The following TMPRSS15 variants were observed in gnomAD, a reference collection of about 807,000 sequenced individuals.
The protein encoded by TMPRSS15 is enteropeptidase.
TMPRSS15 carries 128 observed loss-of-function variants against 125.3 expected under a neutral mutation model. That is an observed-to-expected ratio of 1.02 (90% CI 0.89 to 1.18). The LOEUF is 1.18. TMPRSS15 is among the 50% of genes most tolerant of loss of function. The pLI is 0.00. For missense variants in TMPRSS15, 1,283 were observed against 1,212.7 expected, an observed-to-expected ratio of 1.06 and a Z score of -0.86; for synonymous variants, 446 against 423.2, an observed-to-expected ratio of 1.05 and a Z score of -0.66.
At chr21:18,282,587 C>T (rs568193772) in intron 21 of TMPRSS15, among the ~76,000 whole-genome samples, 7 of 152,262 alleles carry the variant, frequency 4.6e-5, no homozygotes, top group African/African-American at 1.4e-4. Flanking sequence ...AGCCAGTGAG[C>T]GTCCAAGCAT....
At chr21:18,373,042 T>A (rs767114122) in intron 5 of TMPRSS15, among the ~76,000 whole-genome samples, 1 of 152,252 alleles carries the variant, frequency 6.6e-6, no homozygotes, top group Non-Finnish European at 1.5e-5. Context: ...CTTCTGCCTC[T>A]GAATATAACA....
At position 18,370,107 on chromosome 21, in the gene TMPRSS15, C is replaced by T. The variant is rs376798559; in HGVS notation, c.664+2086G>A. Among the ~76,000 whole-genome samples the T allele has an allele frequency of 4.6e-5, 7 of 151,882 alleles. No homozygotes were observed. The South Asian group carries it at 8.3e-4, about 18-fold the overall frequency. On this transcript the variant is annotated intron_variant, in intron 6 of 24. Coordinates refer to ENST00000284885, the MANE Select transcript of TMPRSS15 (RefSeq NM_002772.3). ...TCTTCATGTTACTAAAAAGTAACAA[C>T]GCAGTTTGACTATATTTTTAAAGCA...
chr21:18,426,980 C>T (rs567143864), intron 1 of TMPRSS15, among the ~76,000 whole-genome samples: 2 of 152,184 alleles, frequency 1.3e-5, no homozygotes, highest in Non-Finnish European at 2.9e-5. Context: ...CTCCCCTCCG[C>T]CATGCCTGGT....
chr21:18,389,271 A>G (rs1470275003), intron 3 of TMPRSS15, among the ~76,000 whole-genome samples: 1 of 151,450 alleles, frequency 6.6e-6, no homozygotes, highest in Admixed American at 6.6e-5. Context: ...GGAAGGAAGG[A>G]AGGAAGGGAG....
intron 22 of TMPRSS15, among the ~76,000 whole-genome samples, chr21:18,279,920 C>T (rs1015187331): frequency 6.6e-6 from 1 of 152,136 alleles, no homozygotes; most frequent in Non-Finnish European, 1.5e-5. Context: ...CTTCTTGCAT[C>T]AATTTACAAG....
chr21:18,332,895 A>G (rs1361405219), intron 13 of TMPRSS15, among the ~76,000 whole-genome samples: 1 of 152,254 alleles, frequency 6.6e-6, no homozygotes, highest in East Asian at 1.9e-4. Context: ...CATATATACC[A>G]TAGAATACTA....
At chr21:18,451,037 C>G (rs1286922737) in intron 1 of TMPRSS15, among the ~76,000 whole-genome samples, 2 of 152,016 alleles carry the variant, frequency 1.3e-5, no homozygotes, top group East Asian at 3.9e-4. Context: ...CATTACAATG[C>G]AATGTTCTAT....
chr21:18,420,375 G>C (rs1367631566), intron 1 of TMPRSS15, among the ~76,000 whole-genome samples: 1 of 152,144 alleles, frequency 6.6e-6, no homozygotes, highest in Non-Finnish European at 1.5e-5. Flanking sequence ...GCAGTTTGTG[G>C]TTGAATAGAA....
chr21:18,273,914 C>T (rs976492567), intron 24 of TMPRSS15, among the ~76,000 whole-genome samples: 1 of 152,168 alleles, frequency 6.6e-6, no homozygotes, highest in Non-Finnish European at 1.5e-5. Context: ...AGAGGACTTA[C>T]ATACAGATGA....
At chr21:18,346,288 C>CTGG in intron 10 of TMPRSS15, among the ~76,000 whole-genome samples, 1 of 152,244 alleles carries the variant, frequency 6.6e-6, no homozygotes, top group Admixed American at 6.5e-5. Flanking sequence ...TAAGGGATCA[C>CTGG]TTGATCTCTG....
intron 21 of TMPRSS15, 59 bp downstream of exon 21, chr21:18,294,211 C>T (rs1485810603): frequency 1.2e-6 from 2 of 1,603,486 alleles, no homozygotes; most frequent in Admixed American, 1.7e-5. Flanking sequence ...AAATGGGACG[C>T]TTGGCAGTGT....
In TMPRSS15 at chr21:18,380,384, C is replaced by T. The variant is rs567203351; in HGVS notation, c.497-1066G>A. On this transcript the variant is annotated intron_variant, in intron 4 of 24. Coordinates refer to ENST00000284885, the MANE Select transcript of TMPRSS15 (RefSeq NM_002772.3). ...AGGCATTAGGAACATTGTAATATTA[C>T]GAATTATGTTATTCCTAACCAATAT... Among the ~76,000 whole-genome samples, 145 of 152,010 alleles carry T rather than the reference C, an allele frequency of 9.5e-4. 1 individual carries two copies. Among genetic ancestry groups the T allele is most frequent in the South Asian group, 1.9e-3 (9 of 4,814 alleles).
At chr21:18,403,378 T>C in intron 1 of TMPRSS15, 100 bp downstream of exon 1, 1 of 1,503,892 alleles carries the variant, frequency 6.6e-7, no homozygotes. Flanking sequence ...AAATAATGCA[T>C]TTAGTTGGCA....
At chr21:18,388,581 G>A (rs1399441688) in intron 3 of TMPRSS15, among the ~76,000 whole-genome samples, 1 of 152,096 alleles carries the variant, frequency 6.6e-6, no homozygotes, top group African/African-American at 2.4e-5. Flanking sequence ...ATTTCACTAG[G>A]CAAAGCCCAA....
chr21:18,416,906 G>A (rs2076181693), intron 1 of TMPRSS15, among the ~76,000 whole-genome samples: 1 of 152,004 alleles, frequency 6.6e-6, no homozygotes, highest in Non-Finnish European at 1.5e-5. Context: ...CTCAAGTAAA[G>A]CTGATACATA....
chr21:18,353,209 T>A (rs1432555818), intron 9 of TMPRSS15, among the ~76,000 whole-genome samples, 157 bp from the exon 10 acceptor site: 1 of 151,848 alleles, frequency 6.6e-6, no homozygotes, highest in East Asian at 1.9e-4. Flanking sequence ...TGTTGCATTC[T>A]ATTTATTTTT....
chr21:18,274,982 G>C (rs2074602507), intron 24 of TMPRSS15, among the ~76,000 whole-genome samples: 1 of 152,170 alleles, frequency 6.6e-6, no homozygotes, highest in African/African-American at 2.4e-5. Context: ...GTCTCCAAAA[G>C]CATCGATTTG....
chr21:18,323,970 T>G (rs778404028), intron 16 of TMPRSS15, among the ~76,000 whole-genome samples: 17 of 152,200 alleles, frequency 1.1e-4, no homozygotes, highest in Non-Finnish European at 2.1e-4. Context: ...AAGCTGATCT[T>G]ATTTTCAATA....
intron 12 of TMPRSS15, among the ~76,000 whole-genome samples, chr21:18,341,865 ACT>A (rs1469964271): frequency 6.6e-6 from 1 of 151,962 alleles, no homozygotes; most frequent in African/African-American, 2.4e-5. Context: ...ATTCCATTGT[ACT>A]CTGTCATGCA....
Sources: gnomAD v4.1 joint callset for allele counts (sites outside exome capture counted in the v4.1 genomes callset) on GRCh38, gnomAD v4.1.1 for gene constraint, MANE v1.5 for transcripts, NCBI Gene and HGNC (gene_info 2026-07-23, HGNC 2026-07-21) for gene names.